MIIP: variants seen among roughly 807,000 people sequenced by gnomAD.
MIIP encodes the protein migration and invasion inhibitory protein.
MIIP carries 44 observed loss-of-function variants against 44.8 expected under a neutral mutation model. The observed-to-expected ratio is 0.98, with a 90% CI of 0.77 to 1.26. The LOEUF (loss-of-function observed/expected upper bound fraction) is 1.26, where lower values mean the gene tolerates loss of function less well. Ranked by LOEUF, MIIP falls within the 50% of genes most tolerant of loss-of-function variation. The pLI, the probability that MIIP is intolerant of heterozygous loss-of-function variation, is 0.00. For synonymous variants in MIIP, 225 were observed against 218.3 expected (o/e 1.03, Z -0.27); for missense variants, 496 against 511.7 (o/e 0.97, Z 0.30).
At chr1:12,031,068 T>C (rs1326877021) in intron 8 of MIIP, 198 bp from the exon 9 acceptor site, 2 of 634,710 alleles carry the variant, frequency 3.2e-6, no homozygotes, top group South Asian at 2.0e-5. Context: ...CCATTTCAGC[T>C]CTCAGGGCCC....
rs568911188 is a variant in MIIP, at chr1:12,029,366, A to T, written c.715+85A>T. The T allele has an allele frequency of 5.6e-6, 8 of 1,429,714 alleles. No homozygotes were observed. The East Asian group carries it at 2.0e-4, about 35-fold the overall frequency. 88.6% of individuals were successfully genotyped at this position (1,429,714 alleles called of 1,614,324 possible). On this transcript the variant is annotated intron_variant, in intron 6 of 9. Transcript: ENST00000235332. Reference sequence around the variant, plus strand: ...CCCTGCCCCAGAGCAGTCCCATTTGAGGTTTGGGGCCTGGGGAGGCCCCTG... The same window carrying T: ...CCCTGCCCCAGAGCAGTCCCATTTGTGGTTTGGGGCCTGGGGAGGCCCCTG...
intron 1 of MIIP, among the ~76,000 whole-genome samples, chr1:12,019,959 C>G (rs958963136): frequency 6.6e-6 from 1 of 152,184 alleles, no homozygotes; most frequent in African/African-American, 2.4e-5. Context: ...ATCTCCGTGC[C>G]CCCCGGCCCT....
rs1640237788 is a variant in MIIP at position 12,031,367 on chromosome 1, C to A, written c.1044C>A (p.His348Gln). Reference sequence around the variant, plus strand: ...CCTCTGTCTCCGCTGAGGCCCAGCACCAGAAGCTGTCCGGCACCAGCAGCC... The same window carrying A: ...CCTCTGTCTCCGCTGAGGCCCAGCAACAGAAGCTGTCCGGCACCAGCAGCC... ...LWSSVSAEAQHQKLSGTSSPF... is the reference protein window; with the variant it reads ...LWSSVSAEAQQQKLSGTSSPF... The change falls in exon 9 of 10, where the codon CAC becomes CAA. Residue 348 changes from histidine (H) to glutamine (Q), a missense_variant. By Grantham distance (24) the His-to-Gln change is conservative. Transcript: ENST00000235332. 1.2e-6 allele frequency: 2 copies of A among 1,613,800 alleles called. No homozygotes were observed.
At chr1:12,021,313 G>A (rs1052773489) in intron 1 of MIIP, among the ~76,000 whole-genome samples, 1 of 150,992 alleles carries the variant, frequency 6.6e-6, no homozygotes, top group African/African-American at 2.4e-5. Flanking sequence ...AGAATGGCGT[G>A]AACCCGGGAG....
rs1640250555 is a variant in MIIP at position 12,031,792 on chromosome 1, C to T, written c.1151C>T (p.Pro384Leu). 1.9e-6 allele frequency: 3 copies of T among 1,613,902 alleles called. No individual in the cohort carries two copies. The highest frequency in any genetic ancestry group is 2.5e-6 in the Non-Finnish European group (3 of 1,179,906). Residue 384 changes from proline (P) to leucine (L), a missense_variant, in exon 10 of 10, where the codon CCA becomes CTA. Transcript: ENST00000235332. ...CCCCAGGTCCCTCGGCCCCACGTCC[C>T]ACGGCAGAAGCCCTGAGGACTGACT... is the stretch of plus-strand genomic sequence containing the variant. ...SVPQVPRPHV[P>L]RQKP is the part of the protein sequence containing the mutation.
intron 4 of MIIP, among the ~76,000 whole-genome samples, chr1:12,027,012 T>C (rs554781778): frequency 8.0e-5 from 12 of 150,124 alleles, no homozygotes; most frequent in Middle Eastern, 3.4e-3. Flanking sequence ...TTTTCTTTTT[T>C]TTTTTTTTTT....
At position 12,022,936 on chromosome 1, in the gene MIIP, C is replaced by G; in HGVS notation, c.547+19C>G. 6.3e-7 allele frequency: 1 copy of G among 1,590,802 alleles called. No homozygotes were observed. Among genetic ancestry groups the G allele is most frequent in the Non-Finnish European group, 8.6e-7 (1 of 1,166,326 alleles). On this transcript the variant is annotated intron_variant, in intron 4 of 9. Coordinates refer to ENST00000235332, the MANE Select transcript of MIIP (RefSeq NM_021933.4). ...ATTGCAGGTAAGGCGTGCTGTTGCC[C>G]TGCACACACTTTGCCTGGGAGTGGG...
chr1:12,019,604 C>T (rs1348277381), intron 1 of MIIP, 52 bp downstream of exon 1: 2 of 152,344 alleles, frequency 1.3e-5, no homozygotes, highest in African/African-American at 4.8e-5. Flanking sequence ...CGGCAGGAGG[C>T]CCCACGTGCA....
chr1:12,031,005 G>A, intron 8 of MIIP: 1 of 471,568 alleles, frequency 2.1e-6, no homozygotes, highest in South Asian at 2.8e-5. Context: ...TGCTTGGAGA[G>A]CCTACAGCAG....
At chr1:12,031,509 G>A in intron 9 of MIIP, 106 bp downstream of exon 9, 2 of 1,560,012 alleles carry the variant, frequency 1.3e-6, no homozygotes, top group Non-Finnish European at 8.7e-7. Context: ...ATTGAGGTGG[G>A]GAGGATGGAG....
At chr1:12,030,460 ACCC>A (rs1342163926) in intron 8 of MIIP, among the ~76,000 whole-genome samples, 2 of 148,632 alleles carry the variant, frequency 1.3e-5, no homozygotes. Flanking sequence ...GCACTGCTGT[ACCC>A]CCACCCTGCA....
intron 4 of MIIP, among the ~76,000 whole-genome samples, chr1:12,027,514 A>C (rs944413243): frequency 6.6e-6 from 1 of 151,856 alleles, no homozygotes; most frequent in Non-Finnish European, 1.5e-5. Context: ...GTTCTCCCCC[A>C]TCTCTGTTGG....
chr1:12,028,963 C>T (rs1640162659), intron 4 of MIIP, 70 bp from the exon 5 acceptor site: 3 of 1,328,656 alleles, frequency 2.3e-6, no homozygotes, highest in South Asian at 2.4e-5. Flanking sequence ...CTCTCCAAGC[C>T]TTGGCCGGTG....
rs1296460188 is a variant in MIIP, at chr1:12,030,049, C to T, written c.867C>T (p.Ile289=). ...GCAGGGTGAGCATCCCGCTGTCGAT[C>T]CTGGAGCCCCCGCACCGGTACCACA... ...AHVRVSIPLS[I]LEPPHRYHIH... is the part of the protein sequence containing the mutation. The change falls in exon 8 of 10, where the codon ATC becomes ATT. Residue 289 remains isoleucine (I), a synonymous_variant. Coordinates refer to ENST00000235332, the MANE Select transcript of MIIP (RefSeq NM_021933.4). 3 of 1,613,436 alleles carry T rather than the reference C, an allele frequency of 1.9e-6. No individual in the cohort carries two copies. The highest frequency in any genetic ancestry group is 2.5e-6 in the Non-Finnish European group (3 of 1,179,926).
In MIIP at chr1:12,029,137, C is replaced by G; in HGVS notation, c.652C>G (p.Pro218Ala). 6.2e-7 allele frequency: 1 copy of G among 1,614,046 alleles called. No individual in the cohort carries two copies. The highest frequency in any genetic ancestry group is 8.5e-7 in the Non-Finnish European group (1 of 1,179,930). Reference protein sequence around the residue: ...TNKEECICSHPEPQLPGLRES... With the variant: ...TNKEECICSHAEPQLPGLRES... ...CAAGGAGGAGTGTATCTGCAGCCAT[C>G]CTGAGTGAGCAGGGGCGGGCGAGGG... Residue 218 changes from proline to alanine, a missense_variant, in exon 5 of 10, where the codon CCT (proline) becomes GCT (alanine). Transcript: ENST00000235332.
intron 1 of MIIP, among the ~76,000 whole-genome samples, chr1:12,020,105 C>A (rs529971006): frequency 7.7e-4 from 117 of 152,340 alleles, no homozygotes; most frequent in Non-Finnish European, 1.5e-3. Flanking sequence ...TTCCCAGGCT[C>A]CCCCACACTT....
At chr1:12,023,506 C>A (rs1015243582) in intron 4 of MIIP, among the ~76,000 whole-genome samples, 1 of 149,852 alleles carries the variant, frequency 6.7e-6, no homozygotes, top group Non-Finnish European at 1.5e-5. Flanking sequence ...CAGGTTCATA[C>A]CATTCTCCTG....
Position 12,031,403 on chromosome 1 carries a change from G to A in MIIP, c.1080G>A (p.Pro360=), listed in dbSNP as rs369649412. 10 of 1,613,122 alleles carry A rather than the reference G, an allele frequency of 6.2e-6. No individual in the cohort carries two copies. In the African/African-American group the frequency reaches 6.7e-5, roughly 11 times the overall value. Residue 360 remains proline (P), a splice_region_variant and synonymous_variant, in exon 9 of 10, where the codon CCG becomes CCA. Transcript: ENST00000235332. ...KLSGTSSPFH[P]ASPMQMLPPT... ...CCGGCACCAGCAGCCCTTTTCACCC[G>A]GTACGGTCCAGATCGCATCCTAGCC...
intron 4 of MIIP, among the ~76,000 whole-genome samples, chr1:12,025,040 G>GTTTT (rs1640074638): frequency 1.1e-4 from 15 of 138,842 alleles, no homozygotes; most frequent in Non-Finnish European, 1.4e-4. Flanking sequence ...TTTTTTTTTT[G>GTTTT]TTTTTTGTTT....
Sources: gnomAD v4.1 joint callset for allele counts (sites outside exome capture counted in the v4.1 genomes callset) on GRCh38, gnomAD v4.1.1 for gene constraint, MANE v1.5 for transcripts, NCBI Gene and HGNC (gene_info 2026-07-23, HGNC 2026-07-21) for gene names.